AQP1: variants seen among roughly 807,000 people sequenced by gnomAD.
AQP1 encodes aquaporin 1 (Colton blood group), also known as aquaporin-1.
A neutral mutation model predicts 19.7 loss-of-function variants in AQP1; 11 were observed. The ratio of observed to expected loss-of-function variants is 0.56; its 90% CI spans 0.35 to 0.92. AQP1 has a LOEUF of 0.92. Among genes scored for constraint, AQP1 ranks in the 40% least tolerant of loss-of-function variants. AQP1 has a pLI of 0.01. For missense variants in AQP1, 320 were observed against 369.7 expected, an observed-to-expected ratio of 0.87 and a Z score of 1.10; for synonymous variants, 159 against 166.7, an observed-to-expected ratio of 0.95 and a Z score of 0.36.
chr7:30,912,389 G>GA lies in AQP1; in HGVS notation c.384+98dup. The GA allele has an allele frequency of 6.6e-7, 1 of 1,524,048 alleles. No homozygotes were observed. Among genetic ancestry groups the GA allele is most frequent in the Admixed American group, 1.8e-5 (1 of 56,212 alleles). 94.4% of individuals were successfully genotyped at this position (1,524,048 alleles called of 1,614,324 possible). On this transcript the variant is annotated intron_variant, in intron 1 of 3. Coordinates refer to ENST00000311813, the MANE Select transcript of AQP1 (RefSeq NM_198098.4). This position sits in a 1 kb window ranked among gnomAD's most constrained non-coding sequence, Gnocchi z 4.3. ...CCATTGTGCAGATGGGGACACTGAG[G>GA]AACGGAGAGGACAAGAGGTTGCTGG... is the stretch of plus-strand genomic sequence containing the variant.
At chr7:30,921,559 G>T in intron 1 of AQP1, 1 of 1,542,628 alleles carries the variant, frequency 6.5e-7, no homozygotes, top group South Asian at 1.2e-5. Flanking sequence ...GGACCTCACC[G>T]AAGGCCTCCT....
In AQP1 at chr7:30,921,634, C is replaced by T. The variant is rs772573296; in HGVS notation, c.385-432C>T. 2.1e-5 allele frequency: 32 copies of T among 1,550,610 alleles called. No homozygotes were observed. The African/African-American group carries it at 2.9e-4, about 14-fold the overall frequency. ...TGTTCTGGACTTTTGGGTATGAAGCCGTGTCCCCTGCTGGGCCTTCCCACC... is the reference window on the plus strand; with the variant it reads ...TGTTCTGGACTTTTGGGTATGAAGCTGTGTCCCCTGCTGGGCCTTCCCACC... On this transcript the variant is annotated intron_variant, in intron 1 of 3. Coordinates refer to ENST00000311813, the MANE Select transcript of AQP1 (RefSeq NM_198098.4).
rs1791594713 is a variant in AQP1, at chr7:30,923,698, A to C, written c.*69A>C. 2.6e-5 allele frequency: 40 copies of C among 1,518,036 alleles called. No individual in the cohort carries two copies. Among genetic ancestry groups the C allele is most frequent in the Non-Finnish European group, 3.3e-5 (37 of 1,132,398 alleles). The allele number at this position is 1,518,036 out of a possible 1,614,324, so 94.0% of individuals were successfully genotyped here. ...GCGGGCGGAGGGAGGGGAGGGGTGA[A>C]ATCCATACTGTAGACACTCTGACAA... On this transcript the variant is annotated 3_prime_UTR_variant, in exon 4 of 4. Transcript: ENST00000311813. This position sits in a 1 kb window ranked among gnomAD's most constrained non-coding sequence, Gnocchi z 4.8.
At position 30,911,924 on chromosome 7, in the gene AQP1, C is replaced by A; in HGVS notation, c.15C>A (p.Phe5Leu). The A allele has an allele frequency of 1.9e-6, 3 of 1,613,304 alleles. No individual in the cohort carries two copies. The highest frequency in any genetic ancestry group is 2.5e-6 in the Non-Finnish European group (3 of 1,180,018). ...CCCCTGCCAGCATGGCCAGCGAGTT[C>A]AAGAAGAAGCTCTTCTGGAGGGCAG... Reference protein sequence around the residue: MASEFKKKLFWRAVV... With the variant: MASELKKKLFWRAVV... The change falls in exon 1 of 4, where the codon TTC becomes TTA. Residue 5 changes from phenylalanine to leucine, a missense_variant. Transcript: ENST00000311813.
intron 1 of AQP1, among the ~76,000 whole-genome samples, chr7:30,915,037 C>T (rs1791276986): frequency 6.6e-6 from 1 of 152,246 alleles, no homozygotes; most frequent in Admixed American, 6.5e-5. Flanking sequence ...CACCATGTGG[C>T]ATCACACAAC....
In AQP1 at chr7:30,912,214, G is replaced by A. The variant is rs1187645104; in HGVS notation, c.305G>A (p.Cys102Tyr). Residue 102 changes from cysteine (C) to tyrosine (Y), a missense_variant, in exon 1 of 4, where the codon TGC becomes TAC. Coordinates refer to ENST00000311813, the MANE Select transcript of AQP1 (RefSeq NM_198098.4). The surrounding 1 kb of genome is among the most constrained non-coding windows in gnomAD (Gnocchi z 4.3). ...GCCCTCATGTACATCATCGCCCAGT[G>A]CGTGGGGGCCATCGTCGCCACCGCC... Reference protein sequence around the residue: ...FRALMYIIAQCVGAIVATAIL... With the variant: ...FRALMYIIAQYVGAIVATAIL... 1 of 1,611,160 alleles carries A rather than the reference G, an allele frequency of 6.2e-7. No homozygotes were observed. Among genetic ancestry groups the A allele is most frequent in the African/African-American group, 1.3e-5 (1 of 75,038 alleles).
At position 30,919,556 on chromosome 7, in the gene AQP1, C is replaced by CTT. The variant is rs138132377; in HGVS notation, c.385-2493_385-2492dup. Reference sequence around the variant, plus strand: ...GAATTGAGAATTGTTCTGATTCTTACTTTTTTTTTTTTTTTTTTGCCTTAA... The same window carrying CTT: ...GAATTGAGAATTGTTCTGATTCTTACTTTTTTTTTTTTTTTTTTTTGCCTTAA... On this transcript the variant is annotated intron_variant, in intron 1 of 3. Transcript: ENST00000311813. Among the ~76,000 whole-genome samples the CTT allele has an allele frequency of 4.8e-3, 663 of 138,682 alleles. 2 individuals carry two copies. The highest frequency in any genetic ancestry group is 6.7e-3 in the Non-Finnish European group (414 of 62,230). 91.0% of individuals were successfully genotyped at this position (138,682 alleles called of 152,430 possible). A position where few individuals can be genotyped will look rare whatever the true frequency, so the allele number is the denominator to read the frequency against.
rs1462354458 is a variant in AQP1 at position 30,923,791 on chromosome 7, T to C, written c.*162T>C. 4 of 1,515,330 alleles carry C rather than the reference T, an allele frequency of 2.6e-6. No individual in the cohort carries two copies. The South Asian group carries it at 5.0e-5, about 19-fold the overall frequency. The allele number at this position is 1,515,330 out of a possible 1,614,324, so 93.9% of individuals were successfully genotyped here. ...GTCAAGCCTCTTATGGGGGTGTTTC[T>C]ATCTCTTTCTTTCTCTTTCTGTTTC... On this transcript the variant is annotated 3_prime_UTR_variant, in exon 4 of 4. Transcript: ENST00000311813. This position sits in a 1 kb window ranked among gnomAD's most constrained non-coding sequence, Gnocchi z 4.8.
chr7:30,916,983 C>CGG (rs1448029472), intron 1 of AQP1, among the ~76,000 whole-genome samples: 1 of 151,996 alleles, frequency 6.6e-6, no homozygotes, highest in Non-Finnish European at 1.5e-5. Context: ...TGATGGCCTG[C>CGG]GGGGGATCCT....
intron 1 of AQP1, among the ~76,000 whole-genome samples, chr7:30,917,884 G>A (rs28362718): frequency 2.8e-3 from 421 of 152,228 alleles, no homozygotes; most frequent in African/African-American, 9.8e-3. Context: ...TTTCACTCTG[G>A]TGGTAGGGTG....
rs1464135558 is a variant in AQP1 at position 30,921,731 on chromosome 7, G to T, written c.385-335G>T. The T allele has an allele frequency of 1.9e-6, 3 of 1,550,772 alleles. No individual in the cohort carries two copies. In the East Asian group the frequency reaches 7.3e-5, roughly 38 times the overall value. ...GCCTGGGGCTCGCCCCTTGCCTCTG[G>T]TCTTGGTACCCCAGAATACCCTGGC... On this transcript the variant is annotated intron_variant, in intron 1 of 3. Coordinates refer to ENST00000311813, the MANE Select transcript of AQP1 (RefSeq NM_198098.4).
Position 30,924,173 on chromosome 7 carries a change from G to C in AQP1, c.*544G>C. On this transcript the variant is annotated 3_prime_UTR_variant, in exon 4 of 4. Transcript: ENST00000311813. ...AGCCCCTGACCCGCTCGGACTTACT[G>C]CCTGACCTTGGAATCGTCCCTATAT... 8.7e-7 allele frequency: 1 copy of C among 1,143,934 alleles called. No individual in the cohort carries two copies. Among genetic ancestry groups the C allele is most frequent in the Non-Finnish European group, 1.1e-6 (1 of 911,148 alleles). 70.9% of individuals were successfully genotyped at this position (1,143,934 alleles called of 1,614,324 possible). A position where few individuals can be genotyped will look rare whatever the true frequency, so the allele number is the denominator to read the frequency against.
intron 1 of AQP1, among the ~76,000 whole-genome samples, chr7:30,913,914 A>G (rs1332878812): frequency 6.6e-6 from 1 of 152,104 alleles, no homozygotes; most frequent in Non-Finnish European, 1.5e-5. Flanking sequence ...GGTAGGGTCA[A>G]GCTCACACTG....
At chr7:30,914,859 C>T (rs956258457) in intron 1 of AQP1, among the ~76,000 whole-genome samples, 20 of 152,268 alleles carry the variant, frequency 1.3e-4, no homozygotes, top group African/African-American at 4.3e-4. Flanking sequence ...CAACTTTCTC[C>T]TGACTGACTC....
Position 30,911,993 on chromosome 7 carries a change from C to T in AQP1, c.84C>T (p.Ser28=), listed in dbSNP as rs764092295. ...CCACGACCCTCTTTGTCTTCATCAG[C>T]ATCGGTTCTGCCCTGGGCTTCAAAT... ...FLATTLFVFI[S]IGSALGFKYP... is the part of the protein sequence containing the mutation. The change falls in exon 1 of 4, where the codon AGC becomes AGT. Residue 28 remains serine (S), a synonymous_variant. Coordinates refer to ENST00000311813, the MANE Select transcript of AQP1 (RefSeq NM_198098.4). The T allele has an allele frequency of 1.5e-5, 25 of 1,613,670 alleles. 2 individuals carry two copies. In the South Asian group the frequency reaches 2.2e-4, roughly 14 times the overall value.
rs546809019 is a variant in AQP1 at position 30,922,613 on chromosome 7, C to A, written c.599C>A (p.Ala200Glu). The change falls in exon 3 of 4, where the codon GCG becomes GAG. Residue 200 changes from alanine to glutamate, a missense_variant. Ala to Glu is a moderately radical substitution (Grantham distance 107). Coordinates refer to ENST00000311813, the MANE Select transcript of AQP1 (RefSeq NM_198098.4). ...AACCCTGCTCGGTCCTTTGGCTCCG[C>A]GGTGATCACACACAACTTCAGCAAC... ...GINPARSFGS[A>E]VITHNFSNHW... 1.9e-6 allele frequency: 3 copies of A among 1,614,040 alleles called. No individual in the cohort carries two copies. Among genetic ancestry groups the A allele is most frequent in the Non-Finnish European group, 2.5e-6 (3 of 1,180,014 alleles).
chr7:30,921,310 C>T (rs935249072), intron 1 of AQP1: 34 of 1,335,244 alleles, frequency 2.5e-5, no homozygotes, highest in Admixed American at 9.7e-5. Context: ...TAAAAGTGGC[C>T]CAGGAGTAAG....
At chr7:30,921,217 T>A (rs1584388249) in intron 1 of AQP1, 2 of 1,058,292 alleles carry the variant, frequency 1.9e-6, no homozygotes, top group Non-Finnish European at 1.2e-6. Flanking sequence ...TGGGGAGGGG[T>A]CCTCCGGGGG....
rs1329237099 is a variant in AQP1, at chr7:30,922,087, G to A, written c.406G>A (p.Gly136Ser). The A allele has an allele frequency of 6.2e-7, 1 of 1,614,042 alleles. No homozygotes were observed. The highest frequency in any genetic ancestry group is 1.7e-5 in the Admixed American group (1 of 60,030). Residue 136 changes from glycine (G) to serine (S), a missense_variant, in exon 2 of 4, where the codon GGC (glycine) becomes AGC (serine). Physicochemically the swap from Gly to Ser is moderately conservative, Grantham distance 56. Transcript: ENST00000311813. ...GCAGCTGGCTGATGGTGTGAACTCG[G>A]GCCAGGGCCTGGGCATCGAGATCAT... is the stretch of plus-strand genomic sequence containing the variant. ...RNDLADGVNS[G>S]QGLGIEIIGT... is the part of the protein sequence containing the mutation.
Sources: gnomAD v4.1 joint callset for allele counts (sites outside exome capture counted in the v4.1 genomes callset) on GRCh38, gnomAD v4.1.1 for gene constraint, Gnocchi (gnomAD v3.1) non-coding constraint, MANE v1.5 for transcripts, NCBI Gene and HGNC (gene_info 2026-07-23, HGNC 2026-07-21) for gene names.